The following ZBTB44 variants were observed in gnomAD, a reference collection of about 807,000 sequenced individuals.
ZBTB44 encodes zinc finger and BTB domain-containing protein 44.
In ZBTB44, 15 loss-of-function variants were observed where a neutral mutation model predicts 54.0. That is an observed-to-expected ratio of 0.28 (90% CI 0.19 to 0.43). The LOEUF is 0.43. Ranked by LOEUF, ZBTB44 falls within the 20% of genes least tolerant of loss-of-function variation. ZBTB44 has a pLI of 1.00. For missense variants in ZBTB44, 487 were observed against 707.1 expected, an observed-to-expected ratio of 0.69 and a Z score of 3.53; for synonymous variants, 230 against 250.1, an observed-to-expected ratio of 0.92 and a Z score of 0.76.
intron 1 of ZBTB44, among the ~76,000 whole-genome samples, chr11:130,291,298 C>A (rs983722089): frequency 2.0e-5 from 3 of 152,184 alleles, no homozygotes; most frequent in African/African-American, 7.2e-5. Context: ...GCCACCATAC[C>A]CAGCTAATTT....
chr11:130,288,111 A>G (rs7115972), intron 1 of ZBTB44, among the ~76,000 whole-genome samples: 118,809 of 152,108 alleles, frequency 0.78, 46,667 homozygotes, highest in Admixed American at 0.82. Context: ...AGTGGCTCAC[A>G]CCTGTAATCT....
Position 130,259,206 on chromosome 11 carries a change from G to A in ZBTB44, c.1018+1650C>T, listed in dbSNP as rs556525544. Among the ~76,000 whole-genome samples, 9 of 152,100 alleles carry A rather than the reference G, an allele frequency of 5.9e-5. No homozygotes were observed. In the South Asian group the frequency reaches 1.7e-3, roughly 28 times the overall value. ...TCAAGTTACCATTGACTTTCTTCAC[G>A]GAATTGGAAAAAACTCCTTTAAATT... On this transcript the variant is annotated intron_variant, in intron 2 of 7. Coordinates refer to ENST00000357899, the MANE Select transcript of ZBTB44 (RefSeq NM_001301098.2).
At chr11:130,239,378 AC>A (rs1055042023) in intron 3 of ZBTB44, 26 of 157,796 alleles carry the variant, frequency 1.6e-4, no homozygotes, top group Admixed American at 1.1e-3. Context: ...TACAGATCAG[AC>A]TTTGGCAGAT....
At position 130,261,376 on chromosome 11, in the gene ZBTB44, C is replaced by G. The variant is rs752015017; in HGVS notation, c.498G>C (p.Glu166Asp). ...RDGSISPVSS[E>D]CSVVERTIPV... Reference sequence around the variant, plus strand: ...GAATGGTTCTTTCTACCACACTGCACTCTGAGGACACGGGAGAAATGCTCC... The same window carrying G: ...GAATGGTTCTTTCTACCACACTGCAGTCTGAGGACACGGGAGAAATGCTCC... Residue 166 changes from glutamate (E) to aspartate (D), a missense_variant, in exon 2 of 8, where the codon GAG becomes GAC. By Grantham distance (45) the Glu-to-Asp change is conservative. Coordinates refer to ENST00000357899, the MANE Select transcript of ZBTB44 (RefSeq NM_001301098.2). This position sits in a 1 kb window ranked among gnomAD's most constrained non-coding sequence, Gnocchi z 4.8. The G allele has an allele frequency of 1.0e-4, 162 of 1,613,838 alleles. 1 individual carries two copies. Among genetic ancestry groups the G allele is most frequent in the Middle Eastern group, 1.6e-4 (1 of 6,084 alleles).
At chr11:130,283,327 T>C in intron 1 of ZBTB44, among the ~76,000 whole-genome samples, 1 of 152,080 alleles carries the variant, frequency 6.6e-6, no homozygotes, top group East Asian at 1.9e-4. Context: ...ATTACAGGCA[T>C]GAGCCACCGT....
Position 130,233,199 on chromosome 11 carries a change from G to A in ZBTB44, c.*48+109C>T, listed in dbSNP as rs1381463937. The A allele has an allele frequency of 4.9e-6, 7 of 1,432,644 alleles. No homozygotes were observed. The East Asian group carries it at 1.5e-4, about 31-fold the overall frequency. 88.7% of individuals were successfully genotyped at this position (1,432,644 alleles called of 1,614,324 possible). A position where few individuals can be genotyped will look rare whatever the true frequency, so the allele number is the denominator to read the frequency against. On this transcript the variant is annotated intron_variant, in intron 7 of 7. Coordinates refer to ENST00000357899, the MANE Select transcript of ZBTB44 (RefSeq NM_001301098.2). ...ATATTGATGGGGCAGGGGGAAAACT[G>A]ATCCGGGCAATGACACAGTCAGGCA...
chr11:130,284,264 G>T (rs1940767616), intron 1 of ZBTB44, among the ~76,000 whole-genome samples: 1 of 152,148 alleles, frequency 6.6e-6, no homozygotes, highest in Admixed American at 6.6e-5. Context: ...CTTGCTCATA[G>T]GCAATACGGA....
intron 1 of ZBTB44, among the ~76,000 whole-genome samples, chr11:130,284,379 A>C (rs1592030158): frequency 6.6e-6 from 1 of 152,330 alleles, no homozygotes; most frequent in Middle Eastern, 3.4e-3. Flanking sequence ...GTAATGTATA[A>C]TTACCACAAC....
At chr11:130,302,154 G>T (rs1250391322) in intron 1 of ZBTB44, among the ~76,000 whole-genome samples, 2 of 151,920 alleles carry the variant, frequency 1.3e-5, no homozygotes, top group Non-Finnish European at 2.9e-5. Flanking sequence ...TACATATTAT[G>T]TAACTTAATT....
Position 130,236,800 on chromosome 11 carries a change from G to C in ZBTB44, c.1561C>G (p.Gln521Glu). 7.5e-7 allele frequency: 1 copy of C among 1,338,180 alleles called. No homozygotes were observed. The highest frequency in any genetic ancestry group is 3.0e-5 in the East Asian group (1 of 33,500). 82.9% of individuals were successfully genotyped at this position (1,338,180 alleles called of 1,614,324 possible). A position where few individuals can be genotyped will look rare whatever the true frequency, so the allele number is the denominator to read the frequency against. The change falls in exon 5 of 8, where the codon CAG becomes GAG. Residue 521 changes from glutamine to glutamate, a missense_variant. By Grantham distance (29) the Gln-to-Glu change is conservative (BLOSUM62 2). This residue lies in a region of ZBTB44 where 120 missense variants were observed against 240.3 expected (regional missense o/e 0.50). Coordinates refer to ENST00000357899, the MANE Select transcript of ZBTB44 (RefSeq NM_001301098.2). ...HEASELANYF[Q>E]SSDFLVPDYL... ...TTTCGTTGTGCACCTCACCTGCTCT[G>C]GAAGTAGTTTGCTAGCTCTGATGCT...
At chr11:130,241,472 C>T (rs1042761542) in intron 2 of ZBTB44, among the ~76,000 whole-genome samples, 1 of 152,224 alleles carries the variant, frequency 6.6e-6, no homozygotes, top group Non-Finnish European at 1.5e-5. Context: ...GTTTGAATTG[C>T]ATTTCCCTTA....
Position 130,299,893 on chromosome 11 carries a change from A to G in ZBTB44, c.-57+14482T>C, listed in dbSNP as rs532875385. On this transcript the variant is annotated intron_variant, in intron 1 of 7. Transcript: ENST00000357899. ...AAGCAGCATTATTCACAACAGCCAA[A>G]AGGTAGAAGCAACCCAAATGTCCAC... Among the ~76,000 whole-genome samples, 32 of 152,378 alleles carry G rather than the reference A, an allele frequency of 2.1e-4. No homozygotes were observed. The South Asian group carries it at 2.3e-3, about 11-fold the overall frequency.
At chr11:130,294,279 C>T (rs1362867823) in intron 1 of ZBTB44, among the ~76,000 whole-genome samples, 1 of 151,816 alleles carries the variant, frequency 6.6e-6, no homozygotes, top group Non-Finnish European at 1.5e-5. Context: ...TGTGGTGGTG[C>T]ACGCCTGTAA....
At chr11:130,283,035 C>CTTTTTTTT (rs531030883) in intron 1 of ZBTB44, among the ~76,000 whole-genome samples, 14 of 102,412 alleles carry the variant, frequency 1.4e-4, no homozygotes, top group South Asian at 3.4e-4. Flanking sequence ...CCATTCTAAC[C>CTTTTTTTT]TTTTTTTTTT....
intron 1 of ZBTB44, among the ~76,000 whole-genome samples, chr11:130,266,705 C>G (rs1939272095): frequency 1.3e-5 from 2 of 152,184 alleles, no homozygotes; most frequent in Non-Finnish European, 2.9e-5. Flanking sequence ...GAAGTAACTA[C>G]AGATGAGTTG....
intron 1 of ZBTB44, among the ~76,000 whole-genome samples, chr11:130,308,942 A>G (rs1015101137): frequency 2.0e-5 from 3 of 152,244 alleles, no homozygotes; most frequent in South Asian, 2.1e-4. Context: ...GAAAAAGCAG[A>G]TAAGGTATAA....
chr11:130,268,359 C>T (rs367620341), intron 1 of ZBTB44, among the ~76,000 whole-genome samples: 1 of 152,220 alleles, frequency 6.6e-6, no homozygotes, highest in East Asian at 1.9e-4. Flanking sequence ...GCAGTAGCAC[C>T]CATCAATATC....
intron 3 of ZBTB44, 38 bp downstream of exon 3, chr11:130,239,774 A>G: frequency 6.5e-7 from 1 of 1,545,330 alleles, no homozygotes; most frequent in South Asian, 1.2e-5. Context: ...TGTAAACACA[A>G]CCCTTAAGAG....
chr11:130,293,340 G>A (rs1233796983), intron 1 of ZBTB44, among the ~76,000 whole-genome samples: 11 of 150,098 alleles, frequency 7.3e-5, no homozygotes, highest in African/African-American at 2.7e-4. Flanking sequence ...TAAGTGTGGT[G>A]CTGTGCACCT....
Sources: allele counts gnomAD v4.1 joint callset (sites outside exome capture counted in the v4.1 genomes callset), GRCh38; gene constraint gnomAD v4.1.1; regional missense constraint gnomAD v4.1.1; non-coding constraint Gnocchi (gnomAD v3.1); transcripts MANE v1.5; gene names NCBI Gene and HGNC (gene_info 2026-07-23, HGNC 2026-07-21).